The following CSGALNACT1 variants were observed in gnomAD, a reference collection of about 807,000 sequenced individuals.
The protein encoded by CSGALNACT1 is beta4GalNAcT-1.
CSGALNACT1 carries 52 observed loss-of-function variants against 51.0 expected under a neutral mutation model. The ratio of observed to expected loss-of-function variants is 1.02; its 90% CI spans 0.82 to 1.29. The LOEUF (loss-of-function observed/expected upper bound fraction) is 1.29. CSGALNACT1 is among the 50% of genes most tolerant of loss of function. The pLI is 0.00. For missense variants in CSGALNACT1, 935 were observed against 679.2 expected (o/e 1.38, Z -4.19); for synonymous variants, 341 against 254.4 (o/e 1.34, Z -3.24).
At chr8:19,603,889 T>A (rs1588966090), upstream of CSGALNACT1, among the ~76,000 whole-genome samples, 1 of 152,322 alleles carries the variant, frequency 6.6e-6, no homozygotes, top group African/African-American at 2.4e-5. Context: ...TAATCTAATT[T>A]GTACTTTCTT....
chr8:19,465,884 T>C (rs1288497762), intron 4 of CSGALNACT1, among the ~76,000 whole-genome samples: 1 of 152,182 alleles, frequency 6.6e-6, no homozygotes, highest in Non-Finnish European at 1.5e-5. Context: ...CTGGAGTCAC[T>C]TTTCATATGC....
intron 4 of CSGALNACT1, among the ~76,000 whole-genome samples, chr8:19,502,410 G>T (rs747725107): frequency 1.2e-4 from 19 of 152,198 alleles, no homozygotes; most frequent in Non-Finnish European, 2.4e-4. Flanking sequence ...TCAAGCTTGC[G>T]TGATCATGCC....
chr8:19,663,976 A>G (rs1051106490), intron 1 of CSGALNACT1, among the ~76,000 whole-genome samples: 4 of 152,210 alleles, frequency 2.6e-5, no homozygotes, highest in Non-Finnish European at 5.9e-5. Flanking sequence ...CCATCTTCAC[A>G]GAGAAATCTT....
intron 1 of CSGALNACT1, among the ~76,000 whole-genome samples, chr8:19,636,516 G>A (rs1237135612): frequency 1.3e-5 from 2 of 152,100 alleles, no homozygotes; most frequent in Non-Finnish European, 2.9e-5. Flanking sequence ...ATAGAAAATG[G>A]TGGACAGTTT....
Position 19,560,364 on chromosome 8 carries a change from C to A in CSGALNACT1, c.-297+30796G>T, listed in dbSNP as rs535013351. Reference sequence around the variant, plus strand: ...TTCTTTAAAAAGGCACAAAAGGCAACAACCTTATGAAGTGGCTGACGAATA... The same window carrying A: ...TTCTTTAAAAAGGCACAAAAGGCAAAAACCTTATGAAGTGGCTGACGAATA... On this transcript the variant is annotated intron_variant, in intron 3 of 9. Coordinates refer to ENST00000454498, the Ensembl canonical transcript of CSGALNACT1. Among the ~76,000 whole-genome samples the A allele has an allele frequency of 7.2e-5, 11 of 152,242 alleles. No homozygotes were observed. In the South Asian group the frequency reaches 2.3e-3, roughly 32 times the overall value.
At chr8:19,712,610 T>C (rs2062575764) in intron 1 of CSGALNACT1, among the ~76,000 whole-genome samples, 1 of 152,146 alleles carries the variant, frequency 6.6e-6, no homozygotes, top group South Asian at 2.1e-4. Context: ...TCTTCCTTAT[T>C]GCCACCAAGT....
chr8:19,677,896 G>C (rs901514726), intron 1 of CSGALNACT1, among the ~76,000 whole-genome samples: 3 of 152,108 alleles, frequency 2.0e-5, no homozygotes, highest in African/African-American at 2.4e-5. Flanking sequence ...AAAACAATTA[G>C]AAGACTGTTT....
intron 1 of CSGALNACT1, among the ~76,000 whole-genome samples, chr8:19,653,144 G>A (rs1470052824): frequency 6.6e-6 from 1 of 152,096 alleles, no homozygotes; most frequent in Admixed American, 6.5e-5. Context: ...GATGGAACCA[G>A]TATCCACTCA....
chr8:19,507,285 G>C (rs2077513156), intron 3 of CSGALNACT1, among the ~76,000 whole-genome samples: 1 of 152,084 alleles, frequency 6.6e-6, no homozygotes, highest in South Asian at 2.1e-4. Flanking sequence ...GTGTCTATGA[G>C]GAATTCTGTG....
chr8:19,540,969 C>G (rs1417780127), intron 3 of CSGALNACT1, among the ~76,000 whole-genome samples: 1 of 152,176 alleles, frequency 6.6e-6, no homozygotes, highest in African/African-American at 2.4e-5. Flanking sequence ...CCTACCCTGT[C>G]CCCAGACTGT....
At chr8:19,681,661 G>C (rs947834344) in intron 1 of CSGALNACT1, among the ~76,000 whole-genome samples, 57 of 152,146 alleles carry the variant, frequency 3.7e-4, no homozygotes, top group African/African-American at 1.3e-3. Context: ...CCTGACCTCG[G>C]CACTTGCAGC....
intron 1 of CSGALNACT1, among the ~76,000 whole-genome samples, chr8:19,712,725 C>A (rs961611036): frequency 2.0e-5 from 3 of 152,194 alleles, no homozygotes; most frequent in African/African-American, 4.8e-5. Flanking sequence ...ACAACAGAAC[C>A]AAAATGCATG....
At chr8:19,458,358 C>T (rs545505802) in intron 5 of CSGALNACT1, 68 bp downstream of exon 4, 10 of 1,258,828 alleles carry the variant, frequency 7.9e-6, no homozygotes, top group African/African-American at 2.9e-5. Flanking sequence ...AAGGAGATGA[C>T]GGGAAATGAT....
In CSGALNACT1 at chr8:19,674,331, G is replaced by C. The variant is rs555557634; in HGVS notation, c.-544+8142C>G. Among the ~76,000 whole-genome samples the C allele has an allele frequency of 4.3e-4, 65 of 152,166 alleles. No homozygotes were observed. In the South Asian group the frequency reaches 0.01, roughly 24 times the overall value. ...TTAAGGGAGGTCTGATGAATGCAGT[G>C]AATAATGCACAATAAGAGGGGATCA... On this transcript the variant is annotated intron_variant, in intron 1 of 9. Coordinates refer to the CSGALNACT1 transcript ENST00000332246.
At position 19,544,075 on chromosome 8, in the gene CSGALNACT1, C is replaced by CT. The variant is rs778207201; in HGVS notation, c.-296-37946dup. ...TGGGTTTTCTATTGTGGGGACATAA[C>CT]TTTTTTTTTTTTTTAAACAAGTTGT... is the stretch of plus-strand genomic sequence containing the variant. On this transcript the variant is annotated intron_variant, in intron 3 of 9. Coordinates refer to ENST00000454498, the Ensembl canonical transcript of CSGALNACT1. Among the ~76,000 whole-genome samples, 296 of 141,610 alleles carry CT rather than the reference C, an allele frequency of 2.1e-3. 1 individual carries two copies. Among genetic ancestry groups the CT allele is most frequent in the East Asian group, 0.01 (52 of 4,966 alleles). The allele number at this position is 141,610 out of a possible 152,430, so 92.9% of individuals were successfully genotyped here.
At chr8:19,693,771 G>A (rs1296248023) in intron 1 of CSGALNACT1, among the ~76,000 whole-genome samples, 3 of 152,030 alleles carry the variant, frequency 2.0e-5, no homozygotes, top group Non-Finnish European at 4.4e-5. Context: ...CAGCTTTCTC[G>A]GGACAAGCCA....
At chr8:19,508,649 T>C (rs1301897776) in intron 3 of CSGALNACT1, among the ~76,000 whole-genome samples, 2 of 152,248 alleles carry the variant, frequency 1.3e-5, no homozygotes, top group Non-Finnish European at 2.9e-5. Context: ...TCTGCCACTT[T>C]CAACACTCCT....
intron 3 of CSGALNACT1, among the ~76,000 whole-genome samples, chr8:19,568,732 T>C (rs2042393050): frequency 6.6e-6 from 1 of 152,180 alleles, no homozygotes; most frequent in South Asian, 2.1e-4. Flanking sequence ...AACAGATATA[T>C]GGTGCCAATA....
At chr8:19,548,988 T>C (rs1469420571) in intron 3 of CSGALNACT1, among the ~76,000 whole-genome samples, 1 of 152,098 alleles carries the variant, frequency 6.6e-6, no homozygotes, top group Non-Finnish European at 1.5e-5. Context: ...CTTATACTCT[T>C]TGAAATTTTA....
Sources: gnomAD v4.1 joint callset for allele counts (sites outside exome capture counted in the v4.1 genomes callset) on GRCh38, gnomAD v4.1.1 for gene constraint, MANE v1.5 for transcripts, NCBI Gene and HGNC (gene_info 2026-07-23, HGNC 2026-07-21) for gene names.